The following SENP1 variants were observed in gnomAD, a reference collection of about 807,000 sequenced individuals.
SENP1 encodes sentrin-specific protease 1.
Under a neutral mutation model 93.0 loss-of-function variants are expected in SENP1, and 21 were observed. The ratio of observed to expected loss-of-function variants is 0.23; its 90% CI spans 0.16 to 0.33. The LOEUF is 0.33. Ranked by LOEUF, SENP1 falls within the 10% of genes least tolerant of loss-of-function variation. The probability of loss-of-function intolerance (pLI) is 1.00; values close to 1 mark genes in which losing one functional copy is unlikely to be tolerated. For synonymous variants in SENP1, 256 were observed against 259.6 expected, an observed-to-expected ratio of 0.99 and a Z score of 0.13; for missense variants, 591 against 758.7, an observed-to-expected ratio of 0.78 and a Z score of 2.60.
At chr12:48,061,292 G>GA (rs1271560504) in intron 13 of SENP1, among the ~76,000 whole-genome samples, 3 of 152,088 alleles carry the variant, frequency 2.0e-5, no homozygotes, top group African/African-American at 7.2e-5. Flanking sequence ...GCAGGAAACA[G>GA]AAAAAGAAGA....
chr12:48,104,564 A>G (rs1270112850), intron 1 of SENP1, among the ~76,000 whole-genome samples: 1 of 152,184 alleles, frequency 6.6e-6, no homozygotes, highest in Non-Finnish European at 1.5e-5. Context: ...TTTCATACAC[A>G]TTCATTTACT....
Position 48,048,852 on chromosome 12 carries a change from A to G in SENP1, c.1611+77T>C. On this transcript the variant is annotated intron_variant, in intron 14 of 17. Transcript: ENST00000549518. ...CTCAATAATCAAGGGAACATGTAGA[A>G]CTACTACTCACTACCCTCTGTGTGT... 2.8e-6 allele frequency: 3 copies of G among 1,058,284 alleles called. No individual in the cohort carries two copies. The Admixed American group carries it at 6.3e-5, about 22-fold the overall frequency. The allele number at this position is 1,058,284 out of a possible 1,614,324, so 65.6% of individuals were successfully genotyped here. A position where few individuals can be genotyped will look rare whatever the true frequency, so the allele number is the denominator to read the frequency against.
chr12:48,088,944 GTCT>G lies in SENP1; in HGVS notation c.234_236del (p.Asp79del). ...TTAAATCGCCTGAGCCAAGAAAACTGTCTGAGGAAGGATTATCTAAAAAAATAA... is the reference window on the plus strand; with the variant it reads ...TTAAATCGCCTGAGCCAAGAAAACTGGAGGAAGGATTATCTAAAAAAATAA... On this transcript the variant is annotated inframe_deletion, in exon 5 of 18. Transcript: ENST00000549518. 1 of 1,587,016 alleles carries G rather than the reference GTCT, an allele frequency of 6.3e-7. No individual in the cohort carries two copies. The highest frequency in any genetic ancestry group is 8.6e-7 in the Non-Finnish European group (1 of 1,167,226).
rs1302866262 is a variant in SENP1 at position 48,096,441 on chromosome 12, A to T, written c.136-14T>A. The T allele has an allele frequency of 6.4e-7, 1 of 1,569,724 alleles. No individual in the cohort carries two copies. The highest frequency in any genetic ancestry group is 2.2e-5 in the East Asian group (1 of 44,592). On this transcript the variant is annotated splice_polypyrimidine_tract_variant and intron_variant, in intron 3 of 17. Transcript: ENST00000549518. ...GGAAGATAAAATCTAAACAAAGCAG[A>T]AGATTTTTCTTAAGTCACATTTTTT...
chr12:48,059,441 T>C (rs1338757025), intron 13 of SENP1, among the ~76,000 whole-genome samples: 1 of 152,230 alleles, frequency 6.6e-6, no homozygotes, highest in Non-Finnish European at 1.5e-5. Flanking sequence ...AGGTCGGTCT[T>C]GTTTAAAAAA....
At chr12:48,075,299 T>C (rs1017956952) in intron 6 of SENP1, among the ~76,000 whole-genome samples, 1 of 152,074 alleles carries the variant, frequency 6.6e-6, no homozygotes, top group African/African-American at 2.4e-5. Context: ...TACCAGATAA[T>C]ATACTTTGAA....
intron 2 of SENP1, among the ~76,000 whole-genome samples, chr12:48,100,783 T>C (rs1287910811): frequency 2.0e-5 from 3 of 152,216 alleles, no homozygotes; most frequent in Non-Finnish European, 2.9e-5. Context: ...CCTTGTGATA[T>C]AATAGGGATA....
chr12:48,067,798 T>C (rs4760678), intron 9 of SENP1, among the ~76,000 whole-genome samples: 60,313 of 151,360 alleles, frequency 0.4, 12,853 homozygotes, highest in East Asian at 0.83. Context: ...CATAGTGAGA[T>C]TCTGTCTCTT....
intron 5 of SENP1, among the ~76,000 whole-genome samples, chr12:48,087,227 C>T (rs957994414): frequency 6.6e-6 from 1 of 152,018 alleles, no homozygotes; most frequent in African/African-American, 2.4e-5. Flanking sequence ...AATATGTATA[C>T]TATAAACTCA....
At chr12:48,056,325 TAA>T (rs1399221671) in intron 13 of SENP1, among the ~76,000 whole-genome samples, 16 of 77,382 alleles carry the variant, frequency 2.1e-4, no homozygotes, top group African/African-American at 8.4e-4. Flanking sequence ...ATCACATATA[TAA>T]ATATTATTTA....
At chr12:48,105,421 T>G (rs1305606782) in intron 1 of SENP1, 1 of 518,992 alleles carries the variant, frequency 1.9e-6, no homozygotes, top group Admixed American at 1.9e-5. Context: ...ATGAGCCAGG[T>G]AAGCAAATTG....
At chr12:48,069,942 C>A (rs942769979) in intron 9 of SENP1, among the ~76,000 whole-genome samples, 1 of 152,150 alleles carries the variant, frequency 6.6e-6, no homozygotes, top group African/African-American at 2.4e-5. Context: ...ATCTTCTCAA[C>A]GGAAAACTGA....
Position 48,098,062 on chromosome 12 carries a change from C to G in SENP1, c.67G>C (p.Val23Leu). ...GEVTLVNHNS[V>L]FKTHLLPQTG... ...TGTGGCAGGAGGTGGGTTTTGAATA[C>G]GGAGTTGTGGTTCACTAAAGTCACT... The change falls in exon 3 of 18, where the codon GTA becomes CTA. Residue 23 changes from valine (V) to leucine (L), a missense_variant. Val to Leu is a conservative substitution (Grantham distance 32, BLOSUM62 1). This residue lies in a region of SENP1 where 214 missense variants were observed against 243.4 expected (regional missense o/e 0.88). Transcript: ENST00000549518. 6.2e-6 allele frequency: 10 copies of G among 1,613,492 alleles called. No homozygotes were observed. Among genetic ancestry groups the G allele is most frequent in the Non-Finnish European group, 8.5e-6 (10 of 1,179,632 alleles).
chr12:48,075,726 T>C (rs1304420824), intron 6 of SENP1, among the ~76,000 whole-genome samples: 1 of 152,136 alleles, frequency 6.6e-6, no homozygotes, highest in Non-Finnish European at 1.5e-5. Flanking sequence ...GTTCCTGCCC[T>C]TGTGGAGATT....
intron 11 of SENP1, 49 bp from the exon 12 acceptor site, chr12:48,065,269 T>G (rs1252251694): frequency 1.4e-6 from 2 of 1,400,318 alleles, no homozygotes; most frequent in East Asian, 2.5e-5. Flanking sequence ...TCTGTGGATG[T>G]TCCTTGATTT....
intron 11 of SENP1, 100 bp from the exon 12 acceptor site, chr12:48,065,320 G>A (rs917214159): frequency 8.9e-6 from 9 of 1,013,134 alleles, no homozygotes; most frequent in Non-Finnish European, 1.3e-5. Flanking sequence ...ATAAGTCAAA[G>A]AGCGTGCTTA....
chr12:48,062,586 T>C (rs960974775), intron 13 of SENP1, among the ~76,000 whole-genome samples: 8 of 152,234 alleles, frequency 5.3e-5, no homozygotes, highest in Non-Finnish European at 1.0e-4. Flanking sequence ...CTAAGTTCTA[T>C]ATATCTGATC....
intron 13 of SENP1, among the ~76,000 whole-genome samples, chr12:48,056,076 TTATA>T (rs1479776989): frequency 2.4e-5 from 3 of 124,266 alleles, no homozygotes; most frequent in African/African-American, 9.8e-5. Flanking sequence ...ACAGTATATA[TTATA>T]TATTTACCAT....
chr12:48,077,293 C>T (rs1015129772), intron 6 of SENP1, among the ~76,000 whole-genome samples: 3 of 152,176 alleles, frequency 2.0e-5, no homozygotes, highest in African/African-American at 7.2e-5. Context: ...GTGCCTACTT[C>T]TGCTTTTGTT....
Sources: allele counts gnomAD v4.1 joint callset (sites outside exome capture counted in the v4.1 genomes callset), GRCh38; gene constraint gnomAD v4.1.1; regional missense constraint gnomAD v4.1.1; transcripts MANE v1.5; gene names NCBI Gene and HGNC (gene_info 2026-07-23, HGNC 2026-07-21).